Variants in PCDHA1 observed in about 807,000 individuals in gnomAD.
PCDHA1 encodes the protein protocadherin alpha-1.
In PCDHA1, 42 loss-of-function variants were observed where a neutral mutation model predicts 61.3. The ratio of observed to expected loss-of-function variants is 0.69; its 90% confidence interval spans 0.54 to 0.89. The LOEUF is 0.89. Among genes scored for constraint, PCDHA1 ranks in the 40% least tolerant of loss-of-function variants. The probability of loss-of-function intolerance (pLI) is 0.00; values close to 1 mark genes in which losing one functional copy is unlikely to be tolerated. For synonymous variants in PCDHA1, 610 were observed against 553.8 expected, an observed-to-expected ratio of 1.10 and a Z score of -1.43; for missense variants, 1,256 against 1,235.3, an observed-to-expected ratio of 1.02 and a Z score of -0.25.
intron 3 of PCDHA1, among the ~76,000 whole-genome samples, chr5:140,993,295 C>G (rs553867145): frequency 3.3e-5 from 5 of 152,090 alleles, no homozygotes; most frequent in African/African-American, 9.7e-5. Flanking sequence ...GGGTCACAAC[C>G]TTGCCTCCAG....
At chr5:140,940,809 C>G (rs1308338406) in intron 1 of PCDHA1, among the ~76,000 whole-genome samples, 1 of 152,118 alleles carries the variant, frequency 6.6e-6, no homozygotes, top group Admixed American at 6.5e-5. Flanking sequence ...GCCAGGATAT[C>G]CTGAGATCTT....
chr5:140,964,216 T>C (rs1267795511), intron 1 of PCDHA1, among the ~76,000 whole-genome samples: 1 of 152,214 alleles, frequency 6.6e-6, no homozygotes, highest in Non-Finnish European at 1.5e-5. Context: ...TAGTACAATG[T>C]CTTTCAAAAT....
rs180868237 is a variant in PCDHA1 at position 140,870,334 on chromosome 5, G to A, written c.2394+81650G>A. 21 of 1,614,166 alleles carry A rather than the reference G, an allele frequency of 1.3e-5. No individual in the cohort carries two copies. The Admixed American group carries it at 2.3e-4, about 18-fold the overall frequency. On this transcript the variant is annotated intron_variant, in intron 1 of 3. Transcript: ENST00000504120. ...TTACTACTCGTTGGTGCTGGACAGC[G>A]CCCTGGACCGCGAGAACGTGTGGGC...
At chr5:140,884,046 A>G (rs781965939) in intron 1 of PCDHA1, 6 of 1,613,474 alleles carry the variant, frequency 3.7e-6, no homozygotes, top group Non-Finnish European at 5.1e-6. Flanking sequence ...GTGGTGGCGA[A>G]GGTGCGCGCG....
At chr5:141,005,701 CAAA>C (rs59860837) in intron 3 of PCDHA1, among the ~76,000 whole-genome samples, 30 of 7,778 alleles carry the variant, frequency 3.9e-3, no homozygotes, top group African/African-American at 0.012. Context: ...AACTCCGTCT[CAAA>C]AAAAAAAAAA....
At chr5:140,929,386 GAA>G in intron 1 of PCDHA1, 1 of 1,511,328 alleles carries the variant, frequency 6.6e-7, no homozygotes, top group Non-Finnish European at 8.9e-7. Context: ...GCTGTGTTTT[GAA>G]ATATTTCTTA....
At chr5:140,970,554 G>A (rs72802985) in intron 1 of PCDHA1, among the ~76,000 whole-genome samples, 7,177 of 152,136 alleles carry the variant, frequency 0.047, 194 homozygotes, top group Non-Finnish European at 0.062. Context: ...TTGTGTGTTC[G>A]TCTCCATATG....
chr5:141,001,022 T>C (rs2097984457), intron 3 of PCDHA1, among the ~76,000 whole-genome samples: 1 of 152,250 alleles, frequency 6.6e-6, no homozygotes, highest in Non-Finnish European at 1.5e-5. Context: ...TATACACTTA[T>C]AATAATAGCT....
chr5:140,999,523 C>T (rs115576128), intron 3 of PCDHA1, among the ~76,000 whole-genome samples: 1 of 152,026 alleles, frequency 6.6e-6, no homozygotes, highest in Non-Finnish European at 1.5e-5. Context: ...CATTTTGTTA[C>T]CCCCTGGATA....
At chr5:140,941,424 C>A (rs909959554) in intron 1 of PCDHA1, among the ~76,000 whole-genome samples, 2 of 148,790 alleles carry the variant, frequency 1.3e-5, no homozygotes, top group African/African-American at 5.0e-5. Flanking sequence ...TCAAGCAATT[C>A]TCTGCCTCAG....
chr5:140,912,744 T>A (rs944833912), intron 1 of PCDHA1, among the ~76,000 whole-genome samples: 1 of 152,188 alleles, frequency 6.6e-6, no homozygotes, highest in Non-Finnish European at 1.5e-5. Context: ...TGTGGGTCTG[T>A]CATAGATGGC....
Position 140,841,649 on chromosome 5 carries a change from G to C in PCDHA1, c.2394+52965G>C, listed in dbSNP as rs2150320047. On this transcript the variant is annotated intron_variant, in intron 1 of 3. Transcript: ENST00000504120. ...GTGCAGCATCCACCTGGAGGTGATC[G>C]TGGACAGGCCGCTGCAGGTTTTCCA... 3.1e-6 allele frequency: 5 copies of C among 1,614,050 alleles called. No homozygotes were observed. The South Asian group carries it at 4.4e-5, about 14-fold the overall frequency.
At chr5:140,804,626 C>G (rs1291437909) in intron 1 of PCDHA1, 1 of 153,262 alleles carries the variant, frequency 6.5e-6, no homozygotes, top group Non-Finnish European at 1.5e-5. Context: ...GTTAACTTCT[C>G]TGAATAGCAT....
intron 1 of PCDHA1, among the ~76,000 whole-genome samples, chr5:140,846,373 C>CT (rs2150388509): frequency 0.025 from 1,401 of 55,028 alleles, 84 homozygotes; most frequent in East Asian, 0.045. Context: ...TTCTTTCTTT[C>CT]TTTTTTTTTT....
chr5:140,822,197 T>C (rs1767226544), intron 1 of PCDHA1: 1 of 1,614,220 alleles, frequency 6.2e-7, no homozygotes, highest in African/African-American at 1.3e-5. Context: ...AGATTATTCA[T>C]TTTAGAGTCA....
chr5:140,795,873 A>G, intron 1 of PCDHA1: 2 of 1,614,044 alleles, frequency 1.2e-6, no homozygotes, highest in South Asian at 2.2e-5. Context: ...GGGAAATCAG[A>G]ACTAAGGGAA....
chr5:140,976,644 A>G (rs1487728765), intron 1 of PCDHA1, among the ~76,000 whole-genome samples: 1 of 152,228 alleles, frequency 6.6e-6, no homozygotes, highest in Admixed American at 6.5e-5. Context: ...CAGACAAGTA[A>G]TTTAATCTCT....
chr5:140,882,197 G>T, intron 1 of PCDHA1: 2 of 1,521,690 alleles, frequency 1.3e-6, no homozygotes, highest in Non-Finnish European at 1.8e-6. Flanking sequence ...CATAAAAATT[G>T]GGCCTTGAGA....
At chr5:140,866,876 T>A (rs1554160645) in intron 1 of PCDHA1, 2 of 152,134 alleles carry the variant, frequency 1.3e-5, no homozygotes, top group African/African-American at 4.8e-5. Context: ...CTTCTTGGTA[T>A]TAGCCTATAC....
Sources: gnomAD v4.1 joint callset for allele counts (sites outside exome capture counted in the v4.1 genomes callset) on GRCh38, gnomAD v4.1.1 for gene constraint, MANE v1.5 for transcripts, NCBI Gene and HGNC (gene_info 2026-07-23, HGNC 2026-07-21) for gene names.